The following TAOK3 variants were observed in gnomAD, a reference collection of about 807,000 sequenced individuals.
TAOK3 encodes serine/threonine-protein kinase TAO3.
Under a neutral mutation model 120.4 loss-of-function variants are expected in TAOK3, and 40 were observed. That is an observed-to-expected ratio of 0.33 (90% CI 0.26 to 0.43). The LOEUF is 0.43. TAOK3 is among the 20% of genes least tolerant of loss of function. The pLI, the probability that TAOK3 is intolerant of heterozygous loss-of-function variation, is 1.00. For synonymous variants in TAOK3, 355 were observed against 387.5 expected, an observed-to-expected ratio of 0.92 and a Z score of 0.99; for missense variants, 821 against 1,112.1, an observed-to-expected ratio of 0.74 and a Z score of 3.72.
rs2037475760 is a variant in TAOK3, at chr12:118,192,302, T to A, written c.1195-2361A>T. ...AAGTAACTCAAGTATATTTTTAAAA[T>A]AATGCTATTTTTATAGTCCAAAGAA... On this transcript the variant is annotated intron_variant, in intron 13 of 20. Transcript: ENST00000392533. Among the ~76,000 whole-genome samples, 4 of 152,230 alleles carry A rather than the reference T, an allele frequency of 2.6e-5. No individual in the cohort carries two copies. In the South Asian group the frequency reaches 8.3e-4, roughly 31 times the overall value.
At position 118,301,042 on chromosome 12, in the gene TAOK3, C is replaced by T. The variant is rs545858092; in HGVS notation, c.-193-34283G>A. ...CTGCCTGCCTCAGCCTCCCAAAGTGCTGGGATTACAGGCGTGAGCCACTGC... is the reference window on the plus strand; with the variant it reads ...CTGCCTGCCTCAGCCTCCCAAAGTGTTGGGATTACAGGCGTGAGCCACTGC... On this transcript the variant is annotated intron_variant, in intron 1 of 20. Coordinates refer to ENST00000392533, the MANE Select transcript of TAOK3 (RefSeq NM_016281.4). Among the ~76,000 whole-genome samples, 13 of 152,192 alleles carry T rather than the reference C, an allele frequency of 8.5e-5. 1 individual carries two copies. The highest frequency in any genetic ancestry group is 2.0e-4 in the Admixed American group (3 of 15,266).
intron 1 of TAOK3, among the ~76,000 whole-genome samples, chr12:118,276,727 G>A (rs1468023448): frequency 1.3e-5 from 2 of 150,144 alleles, no homozygotes; most frequent in African/African-American, 4.9e-5. Flanking sequence ...GTAATAGGCT[G>A]GGTGCAGTGG....
chr12:118,151,287 GCGCACACACACACACACA>G (rs1441103872), intron 20 of TAOK3, 129 bp from the exon 21 acceptor site: 5,867 of 477,044 alleles, frequency 0.012, 144 homozygotes, highest in Middle Eastern at 0.05. Context: ...GTGCGCGCGC[GCGCACACACACACACACA>G]CACACACACA....
At chr12:118,276,440 G>A (rs149400623) in intron 1 of TAOK3, among the ~76,000 whole-genome samples, 1,987 of 152,300 alleles carry the variant, frequency 0.013, 27 homozygotes, top group Non-Finnish European at 0.018. Context: ...GGTGGCTCAC[G>A]CCTGTAATCC....
At chr12:118,349,547 A>G (rs2045041587) in intron 1 of TAOK3, among the ~76,000 whole-genome samples, 1 of 151,970 alleles carries the variant, frequency 6.6e-6, no homozygotes, top group South Asian at 2.1e-4. Context: ...AAATGTCCAG[A>G]GTAGGCAAAT....
intron 1 of TAOK3, among the ~76,000 whole-genome samples, chr12:118,352,031 G>T (rs899725906): frequency 2.6e-5 from 4 of 151,236 alleles, no homozygotes; most frequent in Non-Finnish European, 1.5e-5. Flanking sequence ...CCGCCACCGC[G>T]CCTGGCTAAT....
intron 14 of TAOK3, among the ~76,000 whole-genome samples, chr12:118,188,923 A>AGTGTGTGTGT (rs35868707): frequency 6.0e-4 from 91 of 150,994 alleles, no homozygotes; most frequent in African/African-American, 2.2e-3. Flanking sequence ...AAACGATGTG[A>AGTGTGTGTGT]GTGTGTGTGT....
intron 1 of TAOK3, among the ~76,000 whole-genome samples, chr12:118,278,305 C>T (rs764485531): frequency 6.6e-6 from 1 of 152,088 alleles, no homozygotes; most frequent in Non-Finnish European, 1.5e-5. Flanking sequence ...TCTTTCCACC[C>T]TCAAGTAGGC....
intron 1 of TAOK3, among the ~76,000 whole-genome samples, chr12:118,329,364 A>AGGATACGAATTGC (rs1478360510): frequency 6.6e-6 from 1 of 152,218 alleles, no homozygotes; most frequent in Non-Finnish European, 1.5e-5. Context: ...TGTGTCCTGA[A>AGGATACGAATTGC]GGATACGAAT....
At chr12:118,368,423 C>T (rs1220595282) in intron 1 of TAOK3, among the ~76,000 whole-genome samples, 1 of 151,856 alleles carries the variant, frequency 6.6e-6, no homozygotes, top group Non-Finnish European at 1.5e-5. Flanking sequence ...GTCTCGAATT[C>T]CTGACTTCAG....
chr12:118,313,908 A>G (rs1030604584), intron 1 of TAOK3, among the ~76,000 whole-genome samples: 35 of 152,188 alleles, frequency 2.3e-4, no homozygotes, highest in African/African-American at 8.4e-4. Context: ...TTTGCACAGT[A>G]TAGTATTTCT....
intron 19 of TAOK3, among the ~76,000 whole-genome samples, chr12:118,156,229 G>A (rs1379029501): frequency 3.3e-5 from 5 of 151,868 alleles, no homozygotes; most frequent in Non-Finnish European, 7.4e-5. Flanking sequence ...TACTTCTACC[G>A]CTCACATTAA....
chr12:118,366,905 C>T (rs1009774522), intron 1 of TAOK3, among the ~76,000 whole-genome samples: 1 of 152,198 alleles, frequency 6.6e-6, no homozygotes, highest in Admixed American at 6.5e-5. Flanking sequence ...GCCTCACCAA[C>T]ATGGTGAAAC....
In TAOK3 at chr12:118,238,033, C is replaced by T. The variant is rs759458932; in HGVS notation, c.437+40G>A. 5.8e-6 allele frequency: 8 copies of T among 1,371,936 alleles called. No homozygotes were observed. The East Asian group carries it at 1.6e-4, about 28-fold the overall frequency. 85.0% of individuals were successfully genotyped at this position (1,371,936 alleles called of 1,614,324 possible). ...TTTCAAGGTTCCTGGAATAGACAGT[C>T]CTGCAACTGAAAAGAAACATAACTG... is the stretch of plus-strand genomic sequence containing the variant. On this transcript the variant is annotated intron_variant, in intron 7 of 20. Coordinates refer to ENST00000392533, the MANE Select transcript of TAOK3 (RefSeq NM_016281.4).
At chr12:118,348,197 C>A (rs1468024998) in intron 1 of TAOK3, among the ~76,000 whole-genome samples, 1 of 152,200 alleles carries the variant, frequency 6.6e-6, no homozygotes, top group Non-Finnish European at 1.5e-5. Flanking sequence ...GTAATCTCTT[C>A]CTTCTTCATG....
rs569788853 is a variant in TAOK3 at position 118,255,531 on chromosome 12, C to A, written c.37G>T (p.Asp13Tyr). Residue 13 changes from aspartate to tyrosine, a missense_variant, in exon 3 of 21, where the codon GAT becomes TAT. Transcript: ENST00000392533. ...TCAGGATCATCTTTGTAGAATAGAT[C>A]GGCAATCTCTGGGTCCTTCAGCACC... is the stretch of plus-strand genomic sequence containing the variant. ...KGVLKDPEIADLFYKDDPEEL... is the reference protein window; with the variant it reads ...KGVLKDPEIAYLFYKDDPEEL... The A allele has an allele frequency of 5.6e-6, 9 of 1,613,930 alleles. No homozygotes were observed. Among genetic ancestry groups the A allele is most frequent in the Admixed American group, 5.0e-5 (3 of 59,972 alleles).
At chr12:118,323,854 AAATT>A (rs1448554878) in intron 1 of TAOK3, among the ~76,000 whole-genome samples, 3 of 152,210 alleles carry the variant, frequency 2.0e-5, no homozygotes, top group Non-Finnish European at 4.4e-5. Context: ...GAAAAAGATG[AAATT>A]AATAGACTAC....
chr12:118,322,407 C>T (rs1436821394), intron 1 of TAOK3, among the ~76,000 whole-genome samples: 1 of 150,730 alleles, frequency 6.6e-6, no homozygotes, highest in Non-Finnish European at 1.5e-5. Context: ...TCAAATTAAT[C>T]TATATATTAT....
At chr12:118,162,978 A>G (rs561811427) in intron 17 of TAOK3, among the ~76,000 whole-genome samples, 1 of 152,284 alleles carries the variant, frequency 6.6e-6, no homozygotes, top group Admixed American at 6.5e-5. Flanking sequence ...ACTCACTGAC[A>G]CTCCAACAGG....
Sources: gnomAD v4.1 joint callset for allele counts (sites outside exome capture counted in the v4.1 genomes callset) on GRCh38, gnomAD v4.1.1 for gene constraint, MANE v1.5 for transcripts, NCBI Gene and HGNC (gene_info 2026-07-23, HGNC 2026-07-21) for gene names.